FADS2: variants seen among roughly 807,000 people sequenced by gnomAD.
FADS2 encodes the protein fatty acid desaturase 2.
A neutral mutation model predicts 61.2 loss-of-function variants in FADS2; 18 were observed. The ratio of observed to expected loss-of-function variants is 0.29; its 90% CI spans 0.20 to 0.44. The LOEUF (loss-of-function observed/expected upper bound fraction) is 0.44, where lower values mean the gene tolerates loss of function less well. Ranked by LOEUF, FADS2 falls within the 20% of genes least tolerant of loss-of-function variation. FADS2 has a pLI of 1.00. For synonymous variants in FADS2, 203 were observed against 223.9 expected (o/e 0.91, Z 0.83); for missense variants, 322 against 572.7 (o/e 0.56, Z 4.47).
intron 5 of FADS2, chr11:61,856,510 GC>G (rs1285163502): frequency 6.5e-6 from 1 of 153,132 alleles, no homozygotes; most frequent in Non-Finnish European, 1.5e-5. Context: ...CAATTCTGGG[GC>G]CCTTACCTAG....
intron 2 of FADS2, among the ~76,000 whole-genome samples, chr11:61,839,165 C>T (rs2135960729): frequency 6.6e-6 from 1 of 152,208 alleles, no homozygotes; most frequent in South Asian, 2.1e-4. Context: ...CTCCATGTGC[C>T]CGGGACTCAC....
Position 61,862,966 on chromosome 11 carries a change from C to T in FADS2, c.883-6C>T. On this transcript the variant is annotated splice_region_variant and splice_polypyrimidine_tract_variant and intron_variant, in intron 7 of 11. Transcript: ENST00000278840. ...AGGTTGCACCTAACTTCATCTTTCCCCGCAGGACCTGGCCTGGGCCGTCAG... is the reference window on the plus strand; with the variant it reads ...AGGTTGCACCTAACTTCATCTTTCCTCGCAGGACCTGGCCTGGGCCGTCAG... The T allele has an allele frequency of 6.2e-7, 1 of 1,613,740 alleles. No individual in the cohort carries two copies. Among genetic ancestry groups the T allele is most frequent in the Non-Finnish European group, 8.5e-7 (1 of 1,179,592 alleles).
Position 61,856,854 on chromosome 11 carries a change from C to T in FADS2, c.745-157C>T. 8.9e-6 allele frequency: 6 copies of T among 677,758 alleles called. No individual in the cohort carries two copies. In the South Asian group the frequency reaches 8.9e-5, roughly 10 times the overall value. The allele number at this position is 677,758 out of a possible 1,614,324, so 42.0% of individuals were successfully genotyped here. ...TGGGGAGCCCAGAGGGCTGGAGGGG[C>T]CCCAGGCTTGGTGGGCCCAGGGTGC... is the stretch of plus-strand genomic sequence containing the variant. On this transcript the variant is annotated intron_variant, in intron 5 of 11. Coordinates refer to ENST00000278840, the MANE Select transcript of FADS2 (RefSeq NM_004265.4).
chr11:61,826,625 G>A (rs2067088652), upstream of FADS2: 1 of 559,654 alleles, frequency 1.8e-6, no homozygotes, highest in South Asian at 2.2e-5. Flanking sequence ...TGTACAGAAG[G>A]CTTTTGTTTG....
Position 61,816,660 on chromosome 11 carries a change from C to A in FADS2, c.141+234C>A. On this transcript the variant is annotated intron_variant, in intron 1 of 11. Coordinates refer to the FADS2 transcript ENST00000257261. The surrounding 1 kb of genome is among the most constrained non-coding windows in gnomAD (Gnocchi z 7.0). ...CCTTACGGTCGATCACTAGCCACCGCTCCTCGCACCCTGAGCGCTGGGCCA... is the reference window on the plus strand; with the variant it reads ...CCTTACGGTCGATCACTAGCCACCGATCCTCGCACCCTGAGCGCTGGGCCA... The A allele has an allele frequency of 6.3e-7, 1 of 1,599,616 alleles. No homozygotes were observed. The highest frequency in any genetic ancestry group is 1.1e-5 in the South Asian group (1 of 88,832).
chr11:61,861,364 A>AC (rs1555078392), intron 7 of FADS2, among the ~76,000 whole-genome samples: 9,244 of 119,494 alleles, frequency 0.077, 1,447 homozygotes, highest in Admixed American at 0.31. Context: ...AAAAAAAAAA[A>AC]AAAAAAACAG....
At position 61,828,421 on chromosome 11, in the gene FADS2, G is replaced by GC; in HGVS notation, c.33dup (p.Ala12ArgfsTer19). 1 of 1,578,618 alleles carries GC rather than the reference G, an allele frequency of 6.3e-7. No homozygotes were observed. The highest frequency in any genetic ancestry group is 1.2e-5 in the South Asian group (1 of 86,370). The stretch of plus-strand genomic sequence containing the variant: ...GAAGGGAGGGAACCAGGGCGAGGGG[G>GC]CCGCCGAGCGCGAGGTGTCGGTGCC... On this transcript the variant is annotated frameshift_variant, in exon 1 of 12. Coordinates refer to ENST00000278840, the MANE Select transcript of FADS2 (RefSeq NM_004265.4). LOFTEE classifies it high-confidence loss of function. The surrounding 1 kb of genome is among the most constrained non-coding windows in gnomAD (Gnocchi z 6.4).
chr11:61,822,708 T>C (rs2067044356), intron 1 of FADS2, among the ~76,000 whole-genome samples: 2 of 152,218 alleles, frequency 1.3e-5, no homozygotes, highest in African/African-American at 2.4e-5. Flanking sequence ...ATGATCTCTC[T>C]TTAAAATAAA....
upstream of FADS2, chr11:61,826,001 C>T: frequency 1.4e-6 from 1 of 693,286 alleles, no homozygotes; most frequent in African/African-American, 1.7e-5. Flanking sequence ...CGAGCACTGC[C>T]CTCATCTTTG....
At chr11:61,862,299 G>C (rs1263766181) in intron 7 of FADS2, 1 of 152,538 alleles carries the variant, frequency 6.6e-6, no homozygotes, top group East Asian at 1.9e-4. Flanking sequence ...TGATGCTGTG[G>C]TCCAGTTGAG....
intron 5 of FADS2, among the ~76,000 whole-genome samples, chr11:61,852,378 A>C (rs1231167031): frequency 1.3e-5 from 2 of 152,108 alleles, no homozygotes; most frequent in African/African-American, 4.8e-5. Flanking sequence ...GTTCTGCCTC[A>C]GCCTCCCGAG....
Position 61,816,418 on chromosome 11 carries a change from G to A in FADS2, c.133G>A (p.Gly45Arg). The A allele has an allele frequency of 3.1e-6, 5 of 1,598,684 alleles. No homozygotes were observed. Among genetic ancestry groups the A allele is most frequent in the Non-Finnish European group, 4.2e-6 (5 of 1,179,804 alleles). ...CGCATCCGCAGGACACCCAATCACCGGGCAACAGGTATGATCAGGCGCCTC... is the reference window on the plus strand; with the variant it reads ...CGCATCCGCAGGACACCCAATCACCAGGCAACAGGTATGATCAGGCGCCTC... Residue 45 changes from glycine (G) to arginine (R), a missense_variant, in exon 1 of 12, where the codon GGG becomes AGG. Gly to Arg is a moderately radical substitution (Grantham distance 125, BLOSUM62 -2). Transcript: ENST00000257261. The surrounding 1 kb of genome is among the most constrained non-coding windows in gnomAD (Gnocchi z 7.0).
intron 1 of FADS2, among the ~76,000 whole-genome samples, chr11:61,817,669 C>T (rs116151806): frequency 2.2e-4 from 34 of 152,208 alleles, no homozygotes; most frequent in African/African-American, 6.3e-4. Context: ...CCTGGAGGCG[C>T]CTAGGAGCCC....
Position 61,833,969 on chromosome 11 carries a change from A to T in FADS2, c.208-3809A>T, listed in dbSNP as rs567456375. On this transcript the variant is annotated intron_variant, in intron 1 of 11. Coordinates refer to ENST00000278840, the MANE Select transcript of FADS2 (RefSeq NM_004265.4). ...GTGCAGGCCTTCCCAACTGGGGTTT[A>T]TGCTCCAGCGGGGGACGCAGGCCAT... Among the ~76,000 whole-genome samples the T allele has an allele frequency of 6.6e-4, 101 of 152,314 alleles. 1 individual carries two copies. The South Asian group carries it at 0.02, about 31-fold the overall frequency.
At position 61,851,435 on chromosome 11, in the gene FADS2, G is replaced by A. The variant is rs1425872693; in HGVS notation, c.744+3151G>A. ...GGTTGTTCAGTTACCAGCGGCGTTT[G>A]GAAGTCCCCAGCCAGTGCCGCGGTG... On this transcript the variant is annotated intron_variant, in intron 5 of 11. Transcript: ENST00000278840. Among the ~76,000 whole-genome samples the A allele has an allele frequency of 7.9e-5, 12 of 152,348 alleles. No homozygotes were observed. The South Asian group carries it at 2.5e-3, about 32-fold the overall frequency.
At chr11:61,834,903 C>T (rs914349267) in intron 1 of FADS2, among the ~76,000 whole-genome samples, 2 of 151,846 alleles carry the variant, frequency 1.3e-5, no homozygotes, top group Non-Finnish European at 2.9e-5. Context: ...CTGATCACCC[C>T]ACCCAGAGCC....
intron 2 of FADS2, among the ~76,000 whole-genome samples, chr11:61,839,992 T>TG (rs2067205247): frequency 6.6e-6 from 1 of 152,270 alleles, no homozygotes; most frequent in Non-Finnish European, 1.5e-5. Context: ...CACGTGTTGC[T>TG]GATCCATTCA....
At chr11:61,858,348 T>C (rs2067382948) in intron 7 of FADS2, among the ~76,000 whole-genome samples, 1 of 151,592 alleles carries the variant, frequency 6.6e-6, no homozygotes, top group Non-Finnish European at 1.5e-5. Context: ...CCAGCTAATT[T>C]TTGTATTTTT....
At chr11:61,824,455 G>A (rs376863850), upstream of FADS2, among the ~76,000 whole-genome samples, 1,689 of 6,122 alleles carry the variant, frequency 0.28, 341 homozygotes, top group East Asian at 0.68. Context: ...AGGGAGGGAG[G>A]GAGGGAGAGA....
Sources: gnomAD v4.1 joint callset for allele counts (sites outside exome capture counted in the v4.1 genomes callset) on GRCh38, gnomAD v4.1.1 for gene constraint, Gnocchi (gnomAD v3.1) non-coding constraint, MANE v1.5 for transcripts, NCBI Gene and HGNC (gene_info 2026-07-23, HGNC 2026-07-21) for gene names.